USP4: variants seen among roughly 807,000 people sequenced by gnomAD.
USP4 encodes the protein ubiquitin carboxyl-terminal hydrolase 4.
Under a neutral mutation model 118.2 loss-of-function variants are expected in USP4, and 72 were observed. That is an observed-to-expected ratio of 0.61 (90% CI 0.50 to 0.74). The LOEUF is 0.74. Among genes scored for constraint, USP4 ranks in the 30% least tolerant of loss-of-function variants. The pLI is 0.00. For synonymous variants in USP4, 415 were observed against 440.4 expected, an observed-to-expected ratio of 0.94 and a Z score of 0.72; for missense variants, 1,037 against 1,185.7, an observed-to-expected ratio of 0.87 and a Z score of 1.84.
At chr3:49,307,433 G>A (rs2047330695) in intron 8 of USP4, among the ~76,000 whole-genome samples, 1 of 151,410 alleles carries the variant, frequency 6.6e-6, no homozygotes, top group South Asian at 2.1e-4. Flanking sequence ...AAAAAAAAGT[G>A]AGAATGTAAG....
chr3:49,301,948 G>C (rs953098928), intron 10 of USP4, among the ~76,000 whole-genome samples: 1 of 151,992 alleles, frequency 6.6e-6, no homozygotes, highest in Non-Finnish European at 1.5e-5. Context: ...ACAATCTTAG[G>C]GGTCCTCACT....
At chr3:49,280,957 T>A in intron 19 of USP4, 110 bp from the exon 20 acceptor site, 1 of 776,310 alleles carries the variant, frequency 1.3e-6, no homozygotes. Context: ...AGGGAGGCAC[T>A]CAAACTATTC....
Position 49,294,387 on chromosome 3 carries a change from A to G in USP4, c.1883+20T>C, listed in dbSNP as rs1441720180. 1.2e-6 allele frequency: 2 copies of G among 1,603,986 alleles called. No individual in the cohort carries two copies. Among genetic ancestry groups the G allele is most frequent in the Non-Finnish European group, 1.7e-6 (2 of 1,173,828 alleles). ...TATCTTCATCTCAGATAACAACCAA[A>G]TCACATTCCTGCCACCAACCTGATA... On this transcript the variant is annotated intron_variant, in intron 14 of 21. Coordinates refer to ENST00000265560, the MANE Select transcript of USP4 (RefSeq NM_003363.4).
chr3:49,304,721 C>T (rs752087143), intron 9 of USP4, among the ~76,000 whole-genome samples: 2 of 151,678 alleles, frequency 1.3e-5, no homozygotes, highest in Admixed American at 6.6e-5. Context: ...CCCTGGTAGC[C>T]GGGACTACAG....
At chr3:49,318,194 C>T in intron 6 of USP4, 1 of 427,506 alleles carries the variant, frequency 2.3e-6, no homozygotes, top group Non-Finnish European at 3.1e-6. Flanking sequence ...GTCTCAAACT[C>T]CTGGGCTCAA....
chr3:49,324,667 G>A (rs1220474262), intron 6 of USP4, 35 bp downstream of exon 6: 11 of 1,593,192 alleles, frequency 6.9e-6, no homozygotes, highest in Non-Finnish European at 9.5e-6. Flanking sequence ...TTTTGCACAT[G>A]TGAGCCTACA....
intron 2 of USP4, among the ~76,000 whole-genome samples, chr3:49,335,001 C>CA (rs2047654623): frequency 6.6e-6 from 1 of 152,134 alleles, no homozygotes; most frequent in Non-Finnish European, 1.5e-5. Flanking sequence ...TGACTACAGT[C>CA]ATAACTCTGT....
chr3:49,317,169 A>G, intron 6 of USP4: 1 of 1,458,776 alleles, frequency 6.9e-7, no homozygotes, highest in Admixed American at 1.7e-5. Context: ...CACTGAGCAA[A>G]GTCTGGGAGC....
At chr3:49,332,842 C>T (rs368221082) in intron 2 of USP4, among the ~76,000 whole-genome samples, 1 of 152,020 alleles carries the variant, frequency 6.6e-6, no homozygotes, top group Non-Finnish European at 1.5e-5. Flanking sequence ...TCAACCTGAA[C>T]AACATGACAA....
At chr3:49,313,219 T>C (rs188250421) in intron 6 of USP4, among the ~76,000 whole-genome samples, 1 of 152,146 alleles carries the variant, frequency 6.6e-6, no homozygotes, top group East Asian at 1.9e-4. Context: ...AAATTATTAG[T>C]GAAAGGCAAA....
chr3:49,325,849 T>C lies in USP4; in HGVS notation c.361-4A>G, dbSNP rs781520168. 6.8e-6 allele frequency: 11 copies of C among 1,613,154 alleles called. No individual in the cohort carries two copies. In the Admixed American group the frequency reaches 1.8e-4, roughly 27 times the overall value. ...CAAACAGGCCATGCTCCACAACCTA[T>C]GAACAAGAGGCAGGGGTGAGGGCAT... On this transcript the variant is annotated splice_polypyrimidine_tract_variant and splice_region_variant and intron_variant, in intron 3 of 21. Transcript: ENST00000265560.
intron 1 of USP4, among the ~76,000 whole-genome samples, chr3:49,338,456 C>G (rs182811049): frequency 6.6e-6 from 1 of 150,976 alleles, no homozygotes; most frequent in Admixed American, 6.6e-5. Context: ...ATCTGGAATT[C>G]GAGACCAGCC....
chr3:49,283,299 C>A (rs184437097), intron 19 of USP4, among the ~76,000 whole-genome samples: 5 of 151,898 alleles, frequency 3.3e-5, no homozygotes, highest in African/African-American at 1.2e-4. Flanking sequence ...CAAGCATGAG[C>A]CACCGTGCCC....
chr3:49,306,435 T>C (rs2047318667), intron 8 of USP4, among the ~76,000 whole-genome samples: 1 of 151,958 alleles, frequency 6.6e-6, no homozygotes, highest in Admixed American at 6.6e-5. Context: ...ACTCCTGACC[T>C]CAGATGATCC....
At position 49,335,480 on chromosome 3, in the gene USP4, C is replaced by A; in HGVS notation, c.218G>T (p.Gly73Val). The change falls in exon 2 of 22, where the codon GGG (glycine) becomes GTG (valine). Residue 73 changes from glycine (G) to valine (V), a missense_variant. Physicochemically the swap from Gly to Val is moderately radical, Grantham distance 109. This residue lies in a region of USP4 where 487 missense variants were observed against 534.1 expected (regional missense o/e 0.91). Coordinates refer to ENST00000265560, the MANE Select transcript of USP4 (RefSeq NM_003363.4). ...AACATTTACTATACCTGAAAATAGC[C>A]CAGAGTTGTCTATTGGGCCAGGAAA... ...NLFPGPIDNS[G>V]LFSDPESQTL... The A allele has an allele frequency of 1.2e-6, 2 of 1,614,144 alleles. No individual in the cohort carries two copies. Among genetic ancestry groups the A allele is most frequent in the Non-Finnish European group, 1.7e-6 (2 of 1,180,042 alleles).
At position 49,277,771 on chromosome 3, in the gene USP4, G is replaced by A. The variant is rs1338804833; in HGVS notation, c.*522C>T. 5.6e-6 allele frequency: 1 copy of A among 177,998 alleles called. No individual in the cohort carries two copies. Among genetic ancestry groups the A allele is most frequent in the Non-Finnish European group, 1.2e-5 (1 of 85,668 alleles). 11.0% of individuals were successfully genotyped at this position (177,998 alleles called of 1,614,324 possible). On this transcript the variant is annotated 3_prime_UTR_variant, in exon 22 of 22. Transcript: ENST00000265560. ...GCTGGAAATTACAAGATGACTCAACGGAGAAATGGGCTTCAGTGGGTAACT... is the reference window on the plus strand; with the variant it reads ...GCTGGAAATTACAAGATGACTCAACAGAGAAATGGGCTTCAGTGGGTAACT...
intron 13 of USP4, among the ~76,000 whole-genome samples, chr3:49,295,701 T>TGC (rs754642053): frequency 0.054 from 7,892 of 145,944 alleles, 250 homozygotes; most frequent in Non-Finnish European, 0.067. Flanking sequence ...TATGCACGTG[T>TGC]GCGCGCGCGC....
At position 49,324,981 on chromosome 3, in the gene USP4, C is replaced by T. The variant is rs1434085668; in HGVS notation, c.546G>A (p.Arg182=). The T allele has an allele frequency of 9.3e-6, 15 of 1,613,946 alleles. No individual in the cohort carries two copies. Among genetic ancestry groups the T allele is most frequent in the Non-Finnish European group, 1.3e-5 (15 of 1,180,032 alleles). Residue 182 remains arginine, a synonymous_variant, in exon 5 of 22, where the codon CGG becomes CGA. Transcript: ENST00000265560. The stretch of plus-strand genomic sequence containing the variant: ...TGTTGCTCATGTATTTGTTCCAGAG[C>T]CGTGTTTCACGCTCCGCAGGGATGT... The part of the protein sequence containing the change: ...LFNIPAERET[R]LWNKYMSNTY...
At chr3:49,324,613 A>T (rs529301376) in intron 6 of USP4, 89 bp downstream of exon 6, 1 of 1,243,966 alleles carries the variant, frequency 8.0e-7, no homozygotes, top group South Asian at 1.2e-5. Flanking sequence ...CTGAATCAGA[A>T]CAATTTTTCT....
Sources: gnomAD v4.1 joint callset for allele counts (sites outside exome capture counted in the v4.1 genomes callset) on GRCh38, gnomAD v4.1.1 for gene constraint, gnomAD v4.1.1 regional missense constraint, MANE v1.5 for transcripts, NCBI Gene and HGNC (gene_info 2026-07-23, HGNC 2026-07-21) for gene names.